Variants in SOX5 observed in about 807,000 individuals in gnomAD.
SOX5 encodes the protein SRY-box transcription factor 5, also known as transcription factor SOX-5.
In SOX5, 9 loss-of-function variants were observed where a neutral mutation model predicts 92.0. The observed-to-expected ratio is 0.10, with a 90% CI of 0.06 to 0.17. The LOEUF (loss-of-function observed/expected upper bound fraction) is 0.17. Ranked by LOEUF, SOX5 falls within the 10% of genes least tolerant of loss-of-function variation. The pLI, the probability that SOX5 is intolerant of heterozygous loss-of-function variation, is 1.00. For missense variants in SOX5, 642 were observed against 944.5 expected, an observed-to-expected ratio of 0.68 and a Z score of 4.20; for synonymous variants, 344 against 336.3, an observed-to-expected ratio of 1.02 and a Z score of -0.25.
At chr12:23,561,306 G>C (rs139273923) in intron 11 of SOX5, among the ~76,000 whole-genome samples, 6 of 152,158 alleles carry the variant, frequency 3.9e-5, no homozygotes, top group Non-Finnish European at 7.4e-5. Context: ...GAGATGGAAC[G>C]AGAAGTGGCA....
intron 1 of SOX5, among the ~76,000 whole-genome samples, chr12:24,423,393 T>C (rs537578538): frequency 2.0e-5 from 3 of 152,356 alleles, no homozygotes; most frequent in Non-Finnish European, 4.4e-5. Context: ...AAATCTACTT[T>C]CTATGATTAA....
At chr12:23,918,871 C>G (rs1302441864) in intron 1 of SOX5, among the ~76,000 whole-genome samples, 1 of 151,020 alleles carries the variant, frequency 6.6e-6, no homozygotes, top group African/African-American at 2.4e-5. Flanking sequence ...GAGCCAAGAT[C>G]GTGCCACTGC....
chr12:24,059,147 C>T (rs984530545), intron 4 of SOX5, among the ~76,000 whole-genome samples: 5 of 152,112 alleles, frequency 3.3e-5, no homozygotes, highest in African/African-American at 1.2e-4. Flanking sequence ...ATGCATATTA[C>T]ATTTTATGTT....
At chr12:24,035,583 A>T (rs1955946408) in intron 4 of SOX5, among the ~76,000 whole-genome samples, 1 of 152,122 alleles carries the variant, frequency 6.6e-6, no homozygotes, top group African/African-American at 2.4e-5. Context: ...ATGATATAAC[A>T]TCCAGGAATA....
intron 3 of SOX5, among the ~76,000 whole-genome samples, chr12:23,835,162 C>A (rs558389128): frequency 6.6e-6 from 1 of 151,758 alleles, no homozygotes; most frequent in African/African-American, 2.4e-5. Context: ...TACTTATTGG[C>A]AAAATTAAGA....
In SOX5 at chr12:23,971,121, C is replaced by CT. The variant is rs71059953; in HGVS notation, c.-1-75098dup. On this transcript the variant is annotated intron_variant, in intron 4 of 4. Coordinates refer to the SOX5 transcript ENST00000446891. ...CCATCTGAGTAGGTGTGTCAGCTGA[C>CT]TTTTTTTTTTTTTTTTTTTGAGAGG... 6.4e-4 allele frequency among the ~76,000 whole-genome samples: 55 copies of CT among 86,232 alleles called. 6 individuals carry two copies. The highest frequency in any genetic ancestry group is 2.8e-3 in the African/African-American group (51 of 18,380). The allele number at this position is 86,232 out of a possible 152,430, so 56.6% of individuals were successfully genotyped here. A position where few individuals can be genotyped will look rare whatever the true frequency, so the allele number is the denominator to read the frequency against.
chr12:23,765,953 A>G (rs1227222897), intron 3 of SOX5, among the ~76,000 whole-genome samples: 1 of 152,174 alleles, frequency 6.6e-6, no homozygotes, highest in African/African-American at 2.4e-5. Flanking sequence ...AGGAAGATAC[A>G]CCAATTGTGA....
At chr12:24,454,751 C>T (rs541471075) in intron 1 of SOX5, among the ~76,000 whole-genome samples, 7 of 151,986 alleles carry the variant, frequency 4.6e-5, no homozygotes, top group African/African-American at 1.2e-4. Flanking sequence ...GGTATTACAA[C>T]TAAATTTTTA....
At chr12:23,939,057 A>C (rs906412665) in intron 1 of SOX5, among the ~76,000 whole-genome samples, 3 of 150,980 alleles carry the variant, frequency 2.0e-5, no homozygotes, top group Non-Finnish European at 4.5e-5. Flanking sequence ...ATTTTTTATA[A>C]GCTTAAGCTG....
chr12:24,363,498 G>A (rs1955827873), intron 2 of SOX5, among the ~76,000 whole-genome samples: 1 of 152,074 alleles, frequency 6.6e-6, no homozygotes, highest in Admixed American at 6.6e-5. Flanking sequence ...AAGCCCACTG[G>A]TTACATGATA....
chr12:23,931,580 T>G lies in SOX5; in HGVS notation c.38+17984A>C, dbSNP rs556071561. 5.9e-5 allele frequency among the ~76,000 whole-genome samples: 9 copies of G among 151,896 alleles called. No individual in the cohort carries two copies. In the East Asian group the frequency reaches 1.7e-3, roughly 29 times the overall value. Reference sequence around the variant, plus strand: ...TCACTCCATAGATCTTGAAATATATTTCTTAAAGAGCAGAATAGTAGAGTT... The same window carrying G: ...TCACTCCATAGATCTTGAAATATATGTCTTAAAGAGCAGAATAGTAGAGTT... On this transcript the variant is annotated intron_variant, in intron 1 of 14. Coordinates refer to ENST00000451604, the MANE Select transcript of SOX5 (RefSeq NM_006940.6).
rs189772636 is a variant in SOX5, at chr12:24,288,914, A to C, written c.-173-11602T>G. ...CTCAGAGAACCTTTTATTCTTTGCCACAGTTCATTCTCTGTCTCATGATGG... is the reference window on the plus strand; with the variant it reads ...CTCAGAGAACCTTTTATTCTTTGCCCCAGTTCATTCTCTGTCTCATGATGG... On this transcript the variant is annotated intron_variant, in intron 2 of 4. Coordinates refer to the SOX5 transcript ENST00000446891. Among the ~76,000 whole-genome samples the C allele has an allele frequency of 6.3e-5, 7 of 111,620 alleles. No homozygotes were observed. In the East Asian group the frequency reaches 8.1e-4, roughly 13 times the overall value. The allele number at this position is 111,620 out of a possible 152,430, so 73.2% of individuals were successfully genotyped here.
At chr12:23,616,110 G>A (rs76647020) in intron 8 of SOX5, among the ~76,000 whole-genome samples, 15,685 of 152,164 alleles carry the variant, frequency 0.1, 949 homozygotes, top group Admixed American at 0.17. Context: ...CTTTGTATCC[G>A]TCAAGGAATA....
At position 23,805,021 on chromosome 12, in the gene SOX5, G is replaced by T. The variant is rs554551636; in HGVS notation, c.481+40962C>A. ...TGTAACTTTCTATGTGACAAGGTTG[G>T]CACCTTACTTGTTTTCTATGAGAGT... On this transcript the variant is annotated intron_variant, in intron 3 of 14. Coordinates refer to ENST00000451604, the MANE Select transcript of SOX5 (RefSeq NM_006940.6). Among the ~76,000 whole-genome samples, 4 of 137,864 alleles carry T rather than the reference G, an allele frequency of 2.9e-5. No individual in the cohort carries two copies. The South Asian group carries it at 9.3e-4, about 32-fold the overall frequency. 90.4% of individuals were successfully genotyped at this position (137,864 alleles called of 152,430 possible). A position where few individuals can be genotyped will look rare whatever the true frequency, so the allele number is the denominator to read the frequency against.
intron 2 of SOX5, among the ~76,000 whole-genome samples, chr12:24,322,596 T>C (rs1030471705): frequency 2.6e-5 from 4 of 152,284 alleles, no homozygotes; most frequent in South Asian, 2.1e-4. Flanking sequence ...AACTGTTATG[T>C]TGGTGTCTCA....
intron 4 of SOX5, among the ~76,000 whole-genome samples, chr12:24,108,158 T>A (rs1946896995): frequency 1.3e-5 from 2 of 152,204 alleles, no homozygotes; most frequent in African/African-American, 4.8e-5. Context: ...TACATTATCT[T>A]TTGCCTTTCA....
chr12:23,623,102 C>T, intron 8 of SOX5, among the ~76,000 whole-genome samples: 1 of 152,092 alleles, frequency 6.6e-6, no homozygotes, highest in Non-Finnish European at 1.5e-5. Flanking sequence ...AGGAGACTGG[C>T]ACACACATGC....
At position 24,011,179 on chromosome 12, in the gene SOX5, A is replaced by C. The variant is rs572529610; in HGVS notation, c.-1-115155T>G. On this transcript the variant is annotated intron_variant, in intron 4 of 4. Transcript: ENST00000446891. ...AGCAGGGCTACTTACATATAGGCAG[A>C]ATTGCTTATTTGCAGATTATCTACA... Among the ~76,000 whole-genome samples, 8 of 152,306 alleles carry C rather than the reference A, an allele frequency of 5.3e-5. No individual in the cohort carries two copies. In the East Asian group the frequency reaches 1.5e-3, roughly 29 times the overall value.
intron 2 of SOX5, among the ~76,000 whole-genome samples, chr12:23,871,685 A>G (rs2096873547): frequency 6.6e-6 from 1 of 152,144 alleles, no homozygotes; most frequent in Non-Finnish European, 1.5e-5. Flanking sequence ...TTTTAAAATT[A>G]TATTTTATGA....
Sources: allele counts gnomAD v4.1 joint callset (sites outside exome capture counted in the v4.1 genomes callset), GRCh38; gene constraint gnomAD v4.1.1; transcripts MANE v1.5; gene names NCBI Gene and HGNC (gene_info 2026-07-23, HGNC 2026-07-21).